Variants in RAB3B observed in about 807,000 individuals in gnomAD.
RAB3B encodes RAB3B, member RAS oncogene family, also known as ras-related protein Rab-3B.
Under a neutral mutation model 20.5 loss-of-function variants are expected in RAB3B, and 11 were observed. The ratio of observed to expected loss-of-function variants is 0.54; its 90% CI spans 0.34 to 0.89. RAB3B has a LOEUF of 0.89. Among genes scored for constraint, RAB3B ranks in the 40% least tolerant of loss-of-function variants. The pLI is 0.02. For missense variants in RAB3B, 225 were observed against 280.9 expected, an observed-to-expected ratio of 0.80 and a Z score of 1.42; for synonymous variants, 99 against 106.3, an observed-to-expected ratio of 0.93 and a Z score of 0.42.
intron 2 of RAB3B, among the ~76,000 whole-genome samples, chr1:51,938,113 C>A (rs1249203566): frequency 6.6e-6 from 1 of 151,160 alleles, no homozygotes; most frequent in East Asian, 1.9e-4. Context: ...GCAATGCTCC[C>A]ACCTCAGTCT....
intron 1 of RAB3B, among the ~76,000 whole-genome samples, chr1:51,989,697 G>A (rs1213706352): frequency 6.6e-6 from 1 of 151,634 alleles, no homozygotes; most frequent in Non-Finnish European, 1.5e-5. Context: ...CATTTCCAAG[G>A]CCACTTCCCT....
intron 2 of RAB3B, among the ~76,000 whole-genome samples, chr1:51,964,708 CCTT>C (rs1232178545): frequency 1.3e-5 from 2 of 152,134 alleles, no homozygotes; most frequent in Admixed American, 6.5e-5. Context: ...TGACTTCTCT[CCTT>C]CTTTCTCTCT....
At chr1:51,975,188 C>T (rs1016215321) in intron 2 of RAB3B, among the ~76,000 whole-genome samples, 1 of 152,068 alleles carries the variant, frequency 6.6e-6, no homozygotes, top group African/African-American at 2.4e-5. Flanking sequence ...CACTCCAGCT[C>T]AGGTGACAGA....
chr1:51,987,076 G>A (rs550890806), intron 1 of RAB3B, among the ~76,000 whole-genome samples: 1 of 152,316 alleles, frequency 6.6e-6, no homozygotes, highest in South Asian at 2.1e-4. Flanking sequence ...CCAGGCTGGG[G>A]GAAAGAAATG....
At chr1:51,961,925 C>A (rs530015963) in intron 2 of RAB3B, among the ~76,000 whole-genome samples, 10 of 152,120 alleles carry the variant, frequency 6.6e-5, no homozygotes, top group Non-Finnish European at 1.3e-4. Context: ...TGTCAGCCAC[C>A]AAGCCCCGCT....
At chr1:51,981,854 G>A (rs1685093114) in intron 1 of RAB3B, among the ~76,000 whole-genome samples, 1 of 152,082 alleles carries the variant, frequency 6.6e-6, no homozygotes, top group Non-Finnish European at 1.5e-5. Context: ...ATTGCCAGTT[G>A]TATAAAAGTA....
chr1:51,945,473 A>G (rs1477857111), intron 2 of RAB3B, among the ~76,000 whole-genome samples: 1 of 152,212 alleles, frequency 6.6e-6, no homozygotes, highest in African/African-American at 2.4e-5. Flanking sequence ...CTTTATTGCA[A>G]TATTTACTTT....
At position 51,912,554 on chromosome 1, in the gene RAB3B, A is replaced by AAAAAAAAAT. The variant is rs1491223921; in HGVS notation, c.*7372_*7373insATTTTTTTT. The AAAAAAAAAT allele has an allele frequency of 1.9e-4, 3 of 15,498 alleles. No individual in the cohort carries two copies. The highest frequency in any genetic ancestry group is 2.9e-4 in the Non-Finnish European group (2 of 6,828). 1.0% of individuals were successfully genotyped at this position (15,498 alleles called of 1,614,324 possible). A position where few individuals can be genotyped will look rare whatever the true frequency, so the allele number is the denominator to read the frequency against. ...AGACCGTCTCTATTAAAAAAAAAAA[A>AAAAAAAAAT]ATATATATATATATATATATATATA... On this transcript the variant is annotated 3_prime_UTR_variant, in exon 5 of 5. Coordinates refer to ENST00000371655, the MANE Select transcript of RAB3B (RefSeq NM_002867.4).
chr1:51,965,338 T>C (rs1313681841), intron 2 of RAB3B, among the ~76,000 whole-genome samples: 1 of 152,194 alleles, frequency 6.6e-6, no homozygotes, highest in Non-Finnish European at 1.5e-5. Flanking sequence ...TAAAAATCAC[T>C]GAACTATACT....
At chr1:51,942,856 AT>A (rs1453344611) in intron 2 of RAB3B, among the ~76,000 whole-genome samples, 5 of 152,066 alleles carry the variant, frequency 3.3e-5, no homozygotes, top group Non-Finnish European at 5.9e-5. Flanking sequence ...TTCTCACAAT[AT>A]TTCAAGTCTT....
rs1684019057 is a variant in RAB3B at position 51,912,575 on chromosome 1, A to G, written c.*7352T>C. 1 of 87,930 alleles carries G rather than the reference A, an allele frequency of 1.1e-5. No homozygotes were observed. The highest frequency in any genetic ancestry group is 4.6e-5 in the African/African-American group (1 of 21,958). 5.4% of individuals were successfully genotyped at this position (87,930 alleles called of 1,614,324 possible). ...AAAAAATATATATATATATATATAT[A>G]TATATATATATATATATATATATAT... On this transcript the variant is annotated 3_prime_UTR_variant, in exon 5 of 5. Coordinates refer to ENST00000371655, the MANE Select transcript of RAB3B (RefSeq NM_002867.4).
intron 2 of RAB3B, among the ~76,000 whole-genome samples, chr1:51,948,182 C>T (rs934502812): frequency 7.9e-5 from 12 of 152,134 alleles, no homozygotes; most frequent in African/African-American, 2.4e-4. Context: ...TCTATAAAAA[C>T]GGCAACTTAG....
At chr1:51,934,464 T>C (rs926213054) in intron 3 of RAB3B, among the ~76,000 whole-genome samples, 10 of 152,262 alleles carry the variant, frequency 6.6e-5, no homozygotes, top group South Asian at 4.2e-4. Flanking sequence ...ATAAGATGAT[T>C]ATAAGACTTT....
At chr1:51,965,805 TCGTA>T in intron 2 of RAB3B, among the ~76,000 whole-genome samples, 1 of 152,208 alleles carries the variant, frequency 6.6e-6, no homozygotes, top group Non-Finnish European at 1.5e-5. Context: ...GGTAGTTTAA[TCGTA>T]TTGTACCAAT....
chr1:51,914,090 T>C lies in RAB3B; in HGVS notation c.*5837A>G, dbSNP rs1196269620. ...CCACAGAATCATAAGAAATGATACA[T>C]GTTTGTTGTTTTAAGCCTGTAAGTT... is the stretch of plus-strand genomic sequence containing the variant. On this transcript the variant is annotated 3_prime_UTR_variant, in exon 5 of 5. Transcript: ENST00000371655. 6.6e-6 allele frequency: 1 copy of C among 152,218 alleles called. No individual in the cohort carries two copies. The highest frequency in any genetic ancestry group is 1.5e-5 in the Non-Finnish European group (1 of 68,062). 9.4% of individuals were successfully genotyped at this position (152,218 alleles called of 1,614,324 possible).
intron 4 of RAB3B, among the ~76,000 whole-genome samples, chr1:51,927,223 GTC>G (rs1248494407): frequency 1.3e-5 from 2 of 152,294 alleles, no homozygotes; most frequent in Non-Finnish European, 2.9e-5. Flanking sequence ...AGTCTGTGGG[GTC>G]TGAGTCATGA....
At chr1:51,957,163 C>T (rs1015010050) in intron 2 of RAB3B, among the ~76,000 whole-genome samples, 1 of 152,290 alleles carries the variant, frequency 6.6e-6, no homozygotes, top group African/African-American at 2.4e-5. Context: ...AGGCTAGAGT[C>T]AGGACCAAAC....
chr1:51,930,488 T>C (rs930971178), intron 4 of RAB3B, among the ~76,000 whole-genome samples: 1 of 152,202 alleles, frequency 6.6e-6, no homozygotes, highest in African/African-American at 2.4e-5. Context: ...AAATACTGGT[T>C]CTACCCTCTT....
At chr1:51,954,558 G>A (rs1684681247) in intron 2 of RAB3B, among the ~76,000 whole-genome samples, 1 of 152,162 alleles carries the variant, frequency 6.6e-6, no homozygotes, top group African/African-American at 2.4e-5. Context: ...GGAAGTATAG[G>A]AAAAGCATGT....
Sources: allele counts gnomAD v4.1 joint callset (sites outside exome capture counted in the v4.1 genomes callset), GRCh38; gene constraint gnomAD v4.1.1; transcripts MANE v1.5; gene names NCBI Gene and HGNC (gene_info 2026-07-23, HGNC 2026-07-21).